Variants in INPP4B observed in about 807,000 individuals in gnomAD.
INPP4B encodes the protein inositol polyphosphate 4-phosphatase type II.
A neutral mutation model predicts 122.5 loss-of-function variants in INPP4B; 55 were observed. The observed-to-expected ratio is 0.45, with a 90% CI of 0.36 to 0.56. The LOEUF (loss-of-function observed/expected upper bound fraction) is 0.56, where lower values mean the gene tolerates loss of function less well. Among genes scored for constraint, INPP4B ranks in the 20% least tolerant of loss-of-function variants. The pLI, the probability that INPP4B is intolerant of heterozygous loss-of-function variation, is 0.00. For synonymous variants in INPP4B, 403 were observed against 388.7 expected (o/e 1.04, Z -0.43); for missense variants, 1,000 against 1,097.7 (o/e 0.91, Z 1.26).
intron 2 of INPP4B, among the ~76,000 whole-genome samples, chr4:142,659,156 T>C (rs1168112624): frequency 6.6e-6 from 1 of 151,740 alleles, no homozygotes; most frequent in Admixed American, 6.6e-5. Context: ...TCCCAGCACT[T>C]TGGGAGGCCG....
At chr4:142,156,575 A>AGCTT in intron 17 of INPP4B, among the ~76,000 whole-genome samples, 1 of 152,134 alleles carries the variant, frequency 6.6e-6, no homozygotes, top group Non-Finnish European at 1.5e-5. Context: ...CTTTTCAGGA[A>AGCTT]AATAAACCCT....
intron 1 of INPP4B, among the ~76,000 whole-genome samples, chr4:142,836,183 G>C (rs572072444): frequency 6.6e-6 from 1 of 152,116 alleles, no homozygotes; most frequent in Non-Finnish European, 1.5e-5. Context: ...AACTTCAATT[G>C]AAATCTAAAA....
At chr4:142,718,345 C>T (rs4690699) in intron 2 of INPP4B, among the ~76,000 whole-genome samples, 96,690 of 152,080 alleles carry the variant, frequency 0.64, 30,950 homozygotes, top group East Asian at 0.78. Context: ...TTGTTTAAAA[C>T]TGGCGGGCTC....
intron 9 of INPP4B, among the ~76,000 whole-genome samples, chr4:142,302,570 T>C (rs1241962701): frequency 3.3e-5 from 5 of 152,140 alleles, no homozygotes; most frequent in African/African-American, 1.2e-4. Flanking sequence ...AAATTAATAA[T>C]AGCATCTCAT....
chr4:142,341,333 T>C (rs115823416), intron 7 of INPP4B, among the ~76,000 whole-genome samples: 1,565 of 152,322 alleles, frequency 0.01, 35 homozygotes, highest in African/African-American at 0.036. Context: ...ACTTAAGTTA[T>C]ACTTAAAAAA....
At chr4:142,377,985 C>T (rs1017754836) in intron 7 of INPP4B, among the ~76,000 whole-genome samples, 16 of 152,122 alleles carry the variant, frequency 1.1e-4, no homozygotes, top group Non-Finnish European at 2.2e-4. Context: ...CTTGGAAATA[C>T]ACAGTGTCAC....
At chr4:142,380,338 T>A (rs2148841936) in intron 7 of INPP4B, among the ~76,000 whole-genome samples, 1 of 152,252 alleles carries the variant, frequency 6.6e-6, no homozygotes, top group Non-Finnish European at 1.5e-5. Context: ...CCCACCTTGG[T>A]AATATTTTCA....
intron 2 of INPP4B, among the ~76,000 whole-genome samples, chr4:142,660,136 G>A (rs1754898413): frequency 6.6e-6 from 1 of 152,106 alleles, no homozygotes. Context: ...CATTAGGTGG[G>A]AAAGAGACAT....
At chr4:142,711,941 A>G (rs62331902) in intron 2 of INPP4B, among the ~76,000 whole-genome samples, 13,826 of 152,202 alleles carry the variant, frequency 0.091, 829 homozygotes, top group African/African-American at 0.17. Flanking sequence ...CCAGTTACTC[A>G]AAAGACCGAG....
intron 22 of INPP4B, among the ~76,000 whole-genome samples, chr4:142,109,441 C>T (rs2292393): frequency 0.33 from 49,826 of 151,996 alleles, 8,258 homozygotes; most frequent in African/African-American, 0.36. Flanking sequence ...TGCTTCTCTC[C>T]TCCCTGAAAG....
chr4:142,472,336 A>T (rs968922035), intron 2 of INPP4B, among the ~76,000 whole-genome samples: 1 of 152,246 alleles, frequency 6.6e-6, no homozygotes, highest in East Asian at 1.9e-4. Flanking sequence ...AAAAAAAAAA[A>T]AAGTCATTGT....
At chr4:142,720,893 C>CGTGT (rs35250436) in intron 2 of INPP4B, among the ~76,000 whole-genome samples, 1,789 of 111,220 alleles carry the variant, frequency 0.016, 42 homozygotes, top group African/African-American at 0.042. Context: ...GAGTGCATCT[C>CGTGT]GTGTGTGTGT....
In INPP4B at chr4:142,544,130, G is replaced by GTGTGTGTGTGTGTGTGTGTGTGTGTGT. The variant is rs55638202; in HGVS notation, c.-190-81405_-190-81404insACACACACACACACACACACACACACA. 1.7e-3 allele frequency among the ~76,000 whole-genome samples: 231 copies of GTGTGTGTGTGTGTGTGTGTGTGTGTGT among 133,218 alleles called. 14 individuals are homozygous for GTGTGTGTGTGTGTGTGTGTGTGTGTGT. Among genetic ancestry groups the GTGTGTGTGTGTGTGTGTGTGTGTGTGT allele is most frequent in the African/African-American group, 5.5e-3 (194 of 34,980 alleles). 87.4% of individuals were successfully genotyped at this position (133,218 alleles called of 152,430 possible). On this transcript the variant is annotated intron_variant, in intron 2 of 25. Coordinates refer to ENST00000262992, the MANE Select transcript of INPP4B (RefSeq NM_001101669.3). ...CACAAATACTGCATGGTGTGTGTGT[G>GTGTGTGTGTGTGTGTGTGTGTGTGTGT]GTGTGTGTGTGTGTGTGTGTGTGTG...
chr4:142,412,235 AT>A (rs1258464520), intron 5 of INPP4B, among the ~76,000 whole-genome samples: 1 of 152,204 alleles, frequency 6.6e-6, no homozygotes, highest in African/African-American at 2.4e-5. Flanking sequence ...AAATCAGTTT[AT>A]ATCATACATT....
At chr4:142,551,827 C>T (rs769018168) in intron 2 of INPP4B, among the ~76,000 whole-genome samples, 6 of 152,134 alleles carry the variant, frequency 3.9e-5, no homozygotes, top group Non-Finnish European at 7.4e-5. Context: ...CATAAGACTT[C>T]CCTAGGGTAT....
chr4:142,398,270 C>G (rs6812973), intron 7 of INPP4B, among the ~76,000 whole-genome samples: 77,534 of 146,996 alleles, frequency 0.53, 23,260 homozygotes, highest in South Asian at 0.79. Flanking sequence ...CCCAGCTACT[C>G]GGGAGGCTGA....
chr4:142,112,770 T>G, intron 21 of INPP4B, 88 bp from the exon 22 acceptor site: 16 of 1,294,032 alleles, frequency 1.2e-5, no homozygotes, highest in Non-Finnish European at 1.7e-5. Context: ...TTAAAAGGGT[T>G]GGAATATAGC....
chr4:142,239,455 A>G (rs1362409854), intron 11 of INPP4B, among the ~76,000 whole-genome samples: 1 of 152,182 alleles, frequency 6.6e-6, no homozygotes, highest in African/African-American at 2.4e-5. Context: ...ATATAAGCAC[A>G]ATATTTAAAT....
intron 7 of INPP4B, among the ~76,000 whole-genome samples, chr4:142,364,019 A>G (rs201848804): frequency 6.6e-6 from 1 of 151,488 alleles, no homozygotes; most frequent in African/African-American, 2.4e-5. Context: ...AAGATGGGAG[A>G]GTGAGGGTGG....
Sources: gnomAD v4.1 joint callset for allele counts (sites outside exome capture counted in the v4.1 genomes callset) on GRCh38, gnomAD v4.1.1 for gene constraint, MANE v1.5 for transcripts, NCBI Gene and HGNC (gene_info 2026-07-23, HGNC 2026-07-21) for gene names.